OR2C1: variants seen among roughly 807,000 people sequenced by gnomAD.
The protein encoded by OR2C1 is olfactory receptor family 2 subfamily C member 1.
For synonymous variants in OR2C1, 209 were observed against 167.3 expected (o/e 1.25, Z -1.92); for missense variants, 468 against 388.3 (o/e 1.21, Z -1.73).
chr16:3,335,151 A>G, the OR2C1 span, among the ~76,000 whole-genome samples: 4 of 152,014 alleles, frequency 2.6e-5, no homozygotes, highest in Non-Finnish European at 4.4e-5. Flanking sequence ...GATTACTTTT[A>G]CTATTAGTGG....
the OR2C1 span, among the ~76,000 whole-genome samples, chr16:3,350,055 CTTT>C: frequency 9.7e-6 from 1 of 102,728 alleles, no homozygotes; most frequent in Admixed American, 1.3e-4. Context: ...AAAAGGGAAT[CTTT>C]TTTTTTTTTT....
At chr16:3,329,169 G>GAC in the OR2C1 span, among the ~76,000 whole-genome samples, 13,488 of 114,956 alleles carry the variant, frequency 0.12, 854 homozygotes, top group Middle Eastern at 0.13. Flanking sequence ...TGGGAGGGAA[G>GAC]ACACACACAC....
At chr16:3,351,907 G>A (rs1446680599), upstream of OR2C1, among the ~76,000 whole-genome samples, 2 of 67,904 alleles carry the variant, frequency 2.9e-5, no homozygotes, top group African/African-American at 5.8e-5. Flanking sequence ...TTTTTTTTTC[G>A]TATTTTGTAA....
At chr16:3,337,591 T>G in the OR2C1 span, among the ~76,000 whole-genome samples, 1 of 152,176 alleles carries the variant, frequency 6.6e-6, no homozygotes, top group African/African-American at 2.4e-5. Flanking sequence ...CCTGTTTGAT[T>G]TTTTTTAAAT....
chr16:3,335,712 A>G, the OR2C1 span, among the ~76,000 whole-genome samples: 1 of 151,872 alleles, frequency 6.6e-6, no homozygotes, highest in Non-Finnish European at 1.5e-5. Context: ...TTTTTAATAG[A>G]GACTAGGTTG....
At chr16:3,346,206 A>G in the OR2C1 span, among the ~76,000 whole-genome samples, 1 of 151,606 alleles carries the variant, frequency 6.6e-6, no homozygotes, top group Non-Finnish European at 1.5e-5. Context: ...GTGTGTGTGT[A>G]TGTTCTGACT....
chr16:3,339,677 C>T, the OR2C1 span, among the ~76,000 whole-genome samples: 75,245 of 151,786 alleles, frequency 0.5, 19,429 homozygotes, highest in East Asian at 0.66. Context: ...AGGATGGTCT[C>T]GATCTCTTGA....
the OR2C1 span, chr16:3,323,967 T>G: frequency 6.6e-6 from 4 of 603,298 alleles, no homozygotes; most frequent in African/African-American, 7.4e-5. Flanking sequence ...GTTGAATTTT[T>G]AAAACCAATA....
chr16:3,347,819 AACACACATGC>A, the OR2C1 span, among the ~76,000 whole-genome samples: 10,584 of 124,048 alleles, frequency 0.085, 411 homozygotes, highest in African/African-American at 0.11. Context: ...TGCACACACG[AACACACATGC>A]ACACACATAC....
At chr16:3,348,437 G>A in the OR2C1 span, among the ~76,000 whole-genome samples, 1 of 152,296 alleles carries the variant, frequency 6.6e-6, no homozygotes, top group East Asian at 1.9e-4. Flanking sequence ...TGCCCTTGGA[G>A]AAATTACTGA....
At position 3,356,924 on chromosome 16, in the gene OR2C1, G is replaced by T. The variant is rs375007953; in HGVS notation, c.*45G>T. ...TTATTGCGTCTTCATCTCTACATGC[G>T]TTTCTCATTAACTCTCTCTGGCCAG... On this transcript the variant is annotated 3_prime_UTR_variant, in exon 1 of 1. Coordinates refer to ENST00000304936, the MANE Select transcript of OR2C1 (RefSeq NM_012368.3). 1 of 1,424,170 alleles carries T rather than the reference G, an allele frequency of 7.0e-7. No homozygotes were observed. Among genetic ancestry groups the T allele is most frequent in the African/African-American group, 1.4e-5 (1 of 69,824 alleles). 88.2% of individuals were successfully genotyped at this position (1,424,170 alleles called of 1,614,324 possible).
chr16:3,346,673 A>G, the OR2C1 span, among the ~76,000 whole-genome samples: 23 of 131,232 alleles, frequency 1.8e-4, no homozygotes, highest in Admixed American at 1.9e-3. Context: ...TCTGTCATCC[A>G]GGCTGGAGTG....
the OR2C1 span, among the ~76,000 whole-genome samples, chr16:3,327,391 C>T: frequency 1.3e-5 from 2 of 152,066 alleles, no homozygotes; most frequent in African/African-American, 4.8e-5. Flanking sequence ...GGGAACAGTT[C>T]CTACTCAGTG....
the OR2C1 span, among the ~76,000 whole-genome samples, chr16:3,339,326 T>C: frequency 2.6e-5 from 4 of 152,054 alleles, no homozygotes; most frequent in East Asian, 3.8e-4. Context: ...GCTATAAATA[T>C]GCATGTACAT....
the OR2C1 span, among the ~76,000 whole-genome samples, chr16:3,333,211 A>ATTTTTTTTTTTTTTTTTTTTTTTT: frequency 1.5e-5 from 1 of 65,852 alleles, no homozygotes; most frequent in Non-Finnish European, 2.9e-5. Flanking sequence ...TCTTTTGCCC[A>ATTTTTTTTTTTTTTTTTTTTTTTT]TTTTTTTTTT....
chr16:3,334,276 G>A, the OR2C1 span, among the ~76,000 whole-genome samples: 1 of 150,884 alleles, frequency 6.6e-6, no homozygotes, highest in East Asian at 2.0e-4. Flanking sequence ...TAGCTGGGAC[G>A]ACAGGCACGT....
At chr16:3,336,674 C>CTTTTTTTT in the OR2C1 span, among the ~76,000 whole-genome samples, 9 of 116,218 alleles carry the variant, frequency 7.7e-5, no homozygotes, top group Admixed American at 1.9e-4. Context: ...GTTTCTTTTT[C>CTTTTTTTT]TTTTTTTTTT....
chr16:3,329,807 T>C, the OR2C1 span, among the ~76,000 whole-genome samples: 2 of 121,200 alleles, frequency 1.7e-5, no homozygotes, highest in Non-Finnish European at 3.2e-5. Flanking sequence ...CAGGCTGGAG[T>C]GCAGTGGCGC....
At chr16:3,333,090 T>G in the OR2C1 span, among the ~76,000 whole-genome samples, 1 of 152,084 alleles carries the variant, frequency 6.6e-6, no homozygotes, top group African/African-American at 2.4e-5. Context: ...GGGTGAGATA[T>G]ATCTCATTGT....
Sources: gnomAD v4.1 joint callset for allele counts (sites outside exome capture counted in the v4.1 genomes callset) on GRCh38, gnomAD v4.1.1 for gene constraint, MANE v1.5 for transcripts, NCBI Gene and HGNC (gene_info 2026-07-23, HGNC 2026-07-21) for gene names.